Variants in GALNT13 observed in about 807,000 individuals in gnomAD.
The protein encoded by GALNT13 is polypeptide N-acetylgalactosaminyltransferase 13.
In GALNT13, 28 loss-of-function variants were observed where a neutral mutation model predicts 64.2. The observed-to-expected ratio is 0.44, with a 90% CI of 0.32 to 0.60. GALNT13 has a LOEUF of 0.60. GALNT13 is among the 20% of genes least tolerant of loss of function. GALNT13 has a pLI of 0.05. For missense variants in GALNT13, 577 were observed against 669.8 expected (o/e 0.86, Z 1.53); for synonymous variants, 214 against 224.6 (o/e 0.95, Z 0.42).
intron 9 of GALNT13, among the ~76,000 whole-genome samples, chr2:154,395,258 G>A (rs991026821): frequency 2.3e-4 from 35 of 152,232 alleles, no homozygotes; most frequent in African/African-American, 8.2e-4. Context: ...ATAAAAATTA[G>A]TAGCATTATT....
intron 3 of GALNT13, among the ~76,000 whole-genome samples, chr2:154,127,650 A>G (rs551655699): frequency 1.8e-4 from 27 of 151,138 alleles, no homozygotes; most frequent in Admixed American, 1.3e-3. Context: ...ATGTGTGTGT[A>G]GATATGGATA....
intron 9 of GALNT13, among the ~76,000 whole-genome samples, chr2:154,339,209 T>C (rs1490471499): frequency 6.6e-6 from 1 of 152,118 alleles, no homozygotes; most frequent in East Asian, 1.9e-4. Flanking sequence ...TATTAAAATA[T>C]TTCAAAACCA....
the GALNT13 span, among the ~76,000 whole-genome samples, chr2:153,204,268 C>T: frequency 1.3e-5 from 2 of 152,146 alleles, no homozygotes; most frequent in African/African-American, 4.8e-5. Flanking sequence ...TTGATGCCTC[C>T]TTTGGTTGAT....
chr2:153,195,774 A>G, the GALNT13 span, among the ~76,000 whole-genome samples: 1 of 152,224 alleles, frequency 6.6e-6, no homozygotes, highest in Non-Finnish European at 1.5e-5. Flanking sequence ...TTGTTCTGCA[A>G]CCAGGAAGAA....
the GALNT13 span, among the ~76,000 whole-genome samples, chr2:153,607,880 G>T: frequency 6.6e-6 from 1 of 151,962 alleles, no homozygotes; most frequent in South Asian, 2.1e-4. Flanking sequence ...ATTTTCATCA[G>T]GATAATTTTT....
the GALNT13 span, among the ~76,000 whole-genome samples, chr2:153,439,756 G>C: frequency 6.6e-6 from 1 of 152,106 alleles, no homozygotes; most frequent in Non-Finnish European, 1.5e-5. Context: ...TCCCTGACTT[G>C]TTGCGCTTCC....
At chr2:154,178,532 G>A (rs971528358) in intron 4 of GALNT13, among the ~76,000 whole-genome samples, 2 of 151,984 alleles carry the variant, frequency 1.3e-5, no homozygotes, top group Non-Finnish European at 2.9e-5. Context: ...AAACCTGCAC[G>A]TTGTGCACAT....
chr2:153,981,272 T>A (rs1426478388), intron 3 of GALNT13, among the ~76,000 whole-genome samples: 1 of 152,114 alleles, frequency 6.6e-6, no homozygotes, highest in Non-Finnish European at 1.5e-5. Context: ...AATGTGCAGG[T>A]TTGTTACATA....
At chr2:153,435,116 G>A in the GALNT13 span, among the ~76,000 whole-genome samples, 2 of 152,096 alleles carry the variant, frequency 1.3e-5, no homozygotes, top group African/African-American at 4.8e-5. Flanking sequence ...TTTTTGTCAG[G>A]TTTGTCAAAG....
At chr2:153,411,305 A>G in the GALNT13 span, among the ~76,000 whole-genome samples, 10 of 151,968 alleles carry the variant, frequency 6.6e-5, no homozygotes, top group African/African-American at 2.4e-4. Flanking sequence ...AGGGGATCCG[A>G]TAGGGAGATG....
At chr2:153,162,822 T>C in the GALNT13 span, among the ~76,000 whole-genome samples, 1 of 152,124 alleles carries the variant, frequency 6.6e-6, no homozygotes, top group Non-Finnish European at 1.5e-5. Context: ...TACCTAGGGA[T>C]GTTAGGTAAT....
the GALNT13 span, among the ~76,000 whole-genome samples, chr2:153,231,347 T>C: frequency 6.6e-6 from 1 of 152,218 alleles, no homozygotes; most frequent in Admixed American, 6.5e-5. Flanking sequence ...TATCCTTTTC[T>C]GGGGAGAGTT....
the GALNT13 span, among the ~76,000 whole-genome samples, chr2:153,861,901 G>A: frequency 2.0e-5 from 3 of 152,116 alleles, no homozygotes; most frequent in Non-Finnish European, 4.4e-5. Context: ...TGGATGCCTA[G>A]AGGCCATGAC....
At chr2:153,208,765 C>T in the GALNT13 span, among the ~76,000 whole-genome samples, 2 of 152,068 alleles carry the variant, frequency 1.3e-5, no homozygotes, top group Admixed American at 6.6e-5. Flanking sequence ...TGCAATTCCA[C>T]CAGCAACATA....
intron 3 of GALNT13, among the ~76,000 whole-genome samples, chr2:154,007,816 T>C (rs564993831): frequency 6.6e-6 from 1 of 152,092 alleles, no homozygotes; most frequent in South Asian, 2.1e-4. Flanking sequence ...AAGACAGCAA[T>C]ACAACACATC....
intron 2 of GALNT13, among the ~76,000 whole-genome samples, chr2:153,927,528 C>T (rs1690231754): frequency 6.6e-6 from 1 of 151,688 alleles, no homozygotes; most frequent in African/African-American, 2.4e-5. Flanking sequence ...ATATTAGTTG[C>T]TTTATATTGA....
chr2:153,287,998 A>G, the GALNT13 span, among the ~76,000 whole-genome samples: 1 of 151,996 alleles, frequency 6.6e-6, no homozygotes, highest in Non-Finnish European at 1.5e-5. Context: ...CAGATATTAA[A>G]CAGTATTGGA....
At chr2:153,862,726 A>C in the GALNT13 span, among the ~76,000 whole-genome samples, 1 of 152,044 alleles carries the variant, frequency 6.6e-6, no homozygotes, top group South Asian at 2.1e-4. Flanking sequence ...TATAGCATAT[A>C]TATATTTGTA....
intron 8 of GALNT13, among the ~76,000 whole-genome samples, chr2:154,275,106 C>T (rs4664160): frequency 0.53 from 80,612 of 151,866 alleles, 22,343 homozygotes; most frequent in East Asian, 0.78. Flanking sequence ...ATTTCTAAGC[C>T]GCAGACCATT....
Sources: gnomAD v4.1 joint callset for allele counts (sites outside exome capture counted in the v4.1 genomes callset) on GRCh38, gnomAD v4.1.1 for gene constraint, MANE v1.5 for transcripts, NCBI Gene and HGNC (gene_info 2026-07-23, HGNC 2026-07-21) for gene names.